Variants in CFAP54 observed in about 807,000 individuals in gnomAD.
CFAP54 encodes the protein cilia and flagella associated protein 54.
Under a neutral mutation model 370.4 loss-of-function variants are expected in CFAP54, and 290 were observed. That is an observed-to-expected ratio of 0.78 (90% confidence interval 0.71 to 0.86). The LOEUF (loss-of-function observed/expected upper bound fraction) is 0.86, where lower values mean the gene tolerates loss of function less well. CFAP54 is among the 40% of genes least tolerant of loss of function. The probability of loss-of-function intolerance (pLI) is 0.00; values close to 1 mark genes in which losing one functional copy is unlikely to be tolerated. For missense variants in CFAP54, 3,399 were observed against 3,528.7 expected, an observed-to-expected ratio of 0.96 and a Z score of 0.93; for synonymous variants, 1,206 against 1,236.5, an observed-to-expected ratio of 0.98 and a Z score of 0.52.
intron 47 of CFAP54, among the ~76,000 whole-genome samples, chr12:96,707,322 G>A (rs1957557754): frequency 1.3e-5 from 2 of 152,168 alleles, no homozygotes; most frequent in African/African-American, 2.4e-5. Context: ...TTCATGGCAT[G>A]TGACAGCTTA....
intron 26 of CFAP54, among the ~76,000 whole-genome samples, chr12:96,611,071 G>A (rs1956352974): frequency 6.6e-6 from 1 of 152,218 alleles, no homozygotes; most frequent in East Asian, 1.9e-4. Flanking sequence ...TGAGATCTGA[G>A]AAAGGACAGA....
At chr12:96,843,718 C>T (rs1190067000) in intron 66 of CFAP54, among the ~76,000 whole-genome samples, 2 of 152,218 alleles carry the variant, frequency 1.3e-5, no homozygotes, top group Admixed American at 6.5e-5. Context: ...AGTGACCATA[C>T]ATCCCAGTTT....
chr12:96,822,973 A>G (rs961508851), intron 65 of CFAP54, among the ~76,000 whole-genome samples: 1 of 152,172 alleles, frequency 6.6e-6, no homozygotes, highest in Non-Finnish European at 1.5e-5. Context: ...GACTTCTTCC[A>G]GTTTTCCTAT....
intron 66 of CFAP54, among the ~76,000 whole-genome samples, chr12:96,849,916 C>T (rs1022410553): frequency 2.0e-5 from 3 of 152,168 alleles, no homozygotes; most frequent in Admixed American, 6.5e-5. Flanking sequence ...ATTCCCTCAT[C>T]TCCACAAAGC....
chr12:96,815,160 C>A (rs1292912122), intron 64 of CFAP54, among the ~76,000 whole-genome samples: 1 of 152,158 alleles, frequency 6.6e-6, no homozygotes, highest in African/African-American at 2.4e-5. Context: ...AACTAATTTA[C>A]ACTCCCACCA....
intron 56 of CFAP54, among the ~76,000 whole-genome samples, chr12:96,754,133 A>G (rs1467164414): frequency 2.6e-5 from 4 of 152,198 alleles, no homozygotes; most frequent in Non-Finnish European, 5.9e-5. Context: ...TATAATTGTA[A>G]TTGATTCTTC....
At position 96,720,462 on chromosome 12, in the gene CFAP54, C is replaced by A. The variant is rs773990921; in HGVS notation, c.6862C>A (p.Gln2288Lys). 35 of 1,603,786 alleles carry A rather than the reference C, an allele frequency of 2.2e-5. 1 individual carries two copies. In the South Asian group the frequency reaches 3.7e-4, roughly 17 times the overall value. The change falls in exon 50 of 68, where the codon CAG becomes AAG. Residue 2288 changes from glutamine (Q) to lysine (K), a missense_variant. Physicochemically the swap from Gln to Lys is moderately conservative, Grantham distance 53. Transcript: ENST00000524981. ...AAACTTCCTTCTGTCCGAGGTGGAA[C>A]AGAAGACCCTGTCTCAGTGCTCCGC... ...RLNFLLSEVEQKTLSQCSAGE... is the reference protein window; with the variant it reads ...RLNFLLSEVEKKTLSQCSAGE...
intron 19 of CFAP54, among the ~76,000 whole-genome samples, chr12:96,574,657 T>G (rs575786592): frequency 2.6e-5 from 4 of 152,154 alleles, no homozygotes; most frequent in Non-Finnish European, 4.4e-5. Flanking sequence ...ATGGATATAT[T>G]AAATTATATT....
intron 66 of CFAP54, among the ~76,000 whole-genome samples, chr12:96,839,761 T>G (rs1455480582): frequency 6.6e-6 from 1 of 152,190 alleles, no homozygotes; most frequent in Admixed American, 6.5e-5. Context: ...CTGGAATTGC[T>G]GAAGGCTCAT....
chr12:96,693,491 A>G (rs1862016), intron 44 of CFAP54, among the ~76,000 whole-genome samples: 129,186 of 152,236 alleles, frequency 0.85, 55,014 homozygotes, highest in East Asian at 0.95. Context: ...GGGGTACCAA[A>G]TGGCATCTAC....
intron 42 of CFAP54, among the ~76,000 whole-genome samples, chr12:96,687,496 A>G (rs559098488): frequency 5.9e-5 from 9 of 152,282 alleles, no homozygotes; most frequent in Non-Finnish European, 1.0e-4. Context: ...CTCTCCAGTT[A>G]CAGTTACCTC....
intron 48 of CFAP54, among the ~76,000 whole-genome samples, chr12:96,710,902 G>A (rs1957605167): frequency 6.6e-6 from 1 of 152,044 alleles, no homozygotes; most frequent in African/African-American, 2.4e-5. Flanking sequence ...AAAATGTAAA[G>A]GCATAATTAA....
At chr12:96,826,867 A>G (rs1035588492) in intron 65 of CFAP54, among the ~76,000 whole-genome samples, 9 of 117,172 alleles carry the variant, frequency 7.7e-5, no homozygotes, top group African/African-American at 2.6e-4. Flanking sequence ...ATTATATAAT[A>G]TTATGATATA....
intron 38 of CFAP54, among the ~76,000 whole-genome samples, chr12:96,659,259 G>T (rs11108623): frequency 6.6e-6 from 1 of 151,974 alleles, no homozygotes; most frequent in Non-Finnish European, 1.5e-5. Context: ...TCAGCCTTCC[G>T]AGTAGCTGGG....
At chr12:96,706,446 A>G (rs926714346) in intron 47 of CFAP54, among the ~76,000 whole-genome samples, 1 of 152,198 alleles carries the variant, frequency 6.6e-6, no homozygotes, top group Non-Finnish European at 1.5e-5. Flanking sequence ...AAGGTAAGTG[A>G]AAAGGCCCTG....
At chr12:96,637,735 G>A (rs1417826209) in intron 32 of CFAP54, among the ~76,000 whole-genome samples, 1 of 152,112 alleles carries the variant, frequency 6.6e-6, no homozygotes, top group Non-Finnish European at 1.5e-5. Context: ...AAATCTGAAG[G>A]AGAAACTGAA....
chr12:96,567,050 C>G (rs1390203861), intron 19 of CFAP54, among the ~76,000 whole-genome samples: 2 of 152,044 alleles, frequency 1.3e-5, no homozygotes, highest in African/African-American at 4.8e-5. Flanking sequence ...AAGGAAACAT[C>G]CAGGAGAAAT....
chr12:96,526,646 A>G (rs1955384542), intron 8 of CFAP54, among the ~76,000 whole-genome samples: 1 of 152,208 alleles, frequency 6.6e-6, no homozygotes, highest in African/African-American at 2.4e-5. Flanking sequence ...ACTATAAAGC[A>G]TATGGAGATA....
intron 66 of CFAP54, among the ~76,000 whole-genome samples, chr12:96,846,761 G>T (rs532868080): frequency 6.6e-6 from 1 of 152,294 alleles, no homozygotes; most frequent in South Asian, 2.1e-4. Flanking sequence ...TGTGCGTGCA[G>T]ACTGGGTGCC....
Sources: gnomAD v4.1 joint callset for allele counts (sites outside exome capture counted in the v4.1 genomes callset) on GRCh38, gnomAD v4.1.1 for gene constraint, MANE v1.5 for transcripts, NCBI Gene and HGNC (gene_info 2026-07-23, HGNC 2026-07-21) for gene names.